SGCZ: variants seen among roughly 807,000 people sequenced by gnomAD.
SGCZ encodes sarcoglycan zeta, also known as zeta-sarcoglycan.
SGCZ carries 40 observed loss-of-function variants against 41.3 expected under a neutral mutation model. The ratio of observed to expected loss-of-function variants is 0.97; its 90% CI spans 0.75 to 1.26. SGCZ has a LOEUF of 1.26. Ranked by LOEUF, SGCZ falls within the 50% of genes most tolerant of loss-of-function variation. The probability of loss-of-function intolerance (pLI) is 0.00; values close to 1 mark genes in which losing one functional copy is unlikely to be tolerated. For synonymous variants in SGCZ, 206 were observed against 137.5 expected, an observed-to-expected ratio of 1.50 and a Z score of -3.49; for missense variants, 552 against 369.8, an observed-to-expected ratio of 1.49 and a Z score of -4.04.
At chr8:14,717,442 A>T (rs1462226404) in intron 1 of SGCZ, among the ~76,000 whole-genome samples, 6 of 152,144 alleles carry the variant, frequency 3.9e-5, no homozygotes, top group Non-Finnish European at 7.4e-5. Context: ...GAAGAAAGGC[A>T]GCACCACAAA....
intron 2 of SGCZ, among the ~76,000 whole-genome samples, chr8:14,430,884 T>A (rs1403430231): frequency 1.3e-5 from 2 of 152,120 alleles, no homozygotes; most frequent in Non-Finnish European, 2.9e-5. Flanking sequence ...AATCAGTAGC[T>A]TTTCTGTACA....
At chr8:14,563,906 A>G (rs1804280849) in intron 1 of SGCZ, among the ~76,000 whole-genome samples, 1 of 152,188 alleles carries the variant, frequency 6.6e-6, no homozygotes, top group Non-Finnish European at 1.5e-5. Flanking sequence ...ACATTTAACA[A>G]TTTATAATAT....
intron 4 of SGCZ, among the ~76,000 whole-genome samples, chr8:14,170,986 G>A (rs1428032094): frequency 4.0e-5 from 6 of 151,770 alleles, no homozygotes; most frequent in Non-Finnish European, 5.9e-5. Context: ...TCTCACATTC[G>A]CTAAATTCAT....
chr8:14,237,425 G>A (rs1221462457), intron 4 of SGCZ, among the ~76,000 whole-genome samples, 167 bp downstream of exon 4: 1 of 151,804 alleles, frequency 6.6e-6, no homozygotes. Context: ...CTCGTGATCT[G>A]CCCGCCTCAG....
At position 14,167,525 on chromosome 8, in the gene SGCZ, G is replaced by A. The variant is rs76998428; in HGVS notation, c.425-2823C>T. Among the ~76,000 whole-genome samples the A allele has an allele frequency of 4.9e-3, 752 of 151,980 alleles. 10 individuals carry two copies. Among genetic ancestry groups the A allele is most frequent in the African/African-American group, 0.018 (732 of 41,420 alleles). ...AACACTTCCTTAGGAACATCTCTGA[G>A]AAAGTTTATGTCAATAAACTCACAA... On this transcript the variant is annotated intron_variant, in intron 4 of 7. Transcript: ENST00000382080.
chr8:15,068,297 C>A (rs1324380249), intron 1 of SGCZ, among the ~76,000 whole-genome samples: 1 of 152,162 alleles, frequency 6.6e-6, no homozygotes, highest in East Asian at 1.9e-4. Flanking sequence ...ATGATCATCA[C>A]CCTGCTTAGA....
At chr8:14,496,085 G>C (rs745718994) in intron 2 of SGCZ, among the ~76,000 whole-genome samples, 2 of 152,008 alleles carry the variant, frequency 1.3e-5, no homozygotes, top group Non-Finnish European at 2.9e-5. Context: ...ATTTCTTAAG[G>C]GATAGGCTCT....
intron 7 of SGCZ, among the ~76,000 whole-genome samples, chr8:14,096,614 C>G (rs1360673175): frequency 1.3e-5 from 2 of 152,240 alleles, no homozygotes; most frequent in African/African-American, 4.8e-5. Context: ...TGATGCTGGA[C>G]TCATAAAGTG....
chr8:14,141,615 G>C (rs956790322), intron 5 of SGCZ, among the ~76,000 whole-genome samples: 2 of 152,144 alleles, frequency 1.3e-5, no homozygotes, highest in African/African-American at 4.8e-5. Context: ...ACCACAATGA[G>C]ATACCATCTT....
intron 2 of SGCZ, among the ~76,000 whole-genome samples, chr8:14,544,019 C>G (rs138450375): frequency 7.2e-5 from 11 of 152,108 alleles, no homozygotes; most frequent in African/African-American, 2.7e-4. Flanking sequence ...TAAGGAGCCC[C>G]GAGCACAGAG....
chr8:14,603,573 T>C (rs1012623403), intron 1 of SGCZ, among the ~76,000 whole-genome samples: 2 of 152,172 alleles, frequency 1.3e-5, no homozygotes, highest in Admixed American at 1.3e-4. Context: ...AAGATCATGA[T>C]AAAGGTTTTA....
chr8:15,085,033 T>C (rs1458173296), intron 1 of SGCZ, among the ~76,000 whole-genome samples: 5 of 152,154 alleles, frequency 3.3e-5, no homozygotes, highest in Non-Finnish European at 7.3e-5. Context: ...ATTTGATAGA[T>C]ACACATTATC....
At chr8:14,730,908 G>A (rs1398114822) in intron 1 of SGCZ, among the ~76,000 whole-genome samples, 1 of 151,862 alleles carries the variant, frequency 6.6e-6, no homozygotes, top group Non-Finnish European at 1.5e-5. Flanking sequence ...AGGATGTGGA[G>A]AAAGAGGAAC....
At position 14,366,495 on chromosome 8, in the gene SGCZ, T is replaced by A. The variant is rs115622393; in HGVS notation, c.235-42291A>T. ...CTGTGGGTTACAATTCAAGAAAAAA[T>A]TTGGTGGGGGGGACACAAAGTATAA... On this transcript the variant is annotated intron_variant, in intron 2 of 7. Transcript: ENST00000382080. Among the ~76,000 whole-genome samples the A allele has an allele frequency of 6.5e-4, 99 of 152,044 alleles. 2 individuals are homozygous for A. Among genetic ancestry groups the A allele is most frequent in the African/African-American group, 2.1e-3 (89 of 41,496 alleles).
At chr8:15,199,500 CTG>C (rs1294585217) in intron 1 of SGCZ, among the ~76,000 whole-genome samples, 1 of 152,122 alleles carries the variant, frequency 6.6e-6, no homozygotes, top group African/African-American at 2.4e-5. Flanking sequence ...CATTGTCACT[CTG>C]TAATACTCTA....
At chr8:14,681,281 G>A (rs893116830) in intron 1 of SGCZ, among the ~76,000 whole-genome samples, 1 of 152,074 alleles carries the variant, frequency 6.6e-6, no homozygotes, top group East Asian at 1.9e-4. Context: ...AATTACTGTA[G>A]ATGTATAATC....
intron 2 of SGCZ, among the ~76,000 whole-genome samples, chr8:14,427,946 G>A (rs577893992): frequency 2.6e-5 from 4 of 152,122 alleles, no homozygotes; most frequent in African/African-American, 7.2e-5. Context: ...GGTATTATAA[G>A]TAATCTAGAA....
chr8:14,149,293 C>T (rs1803622935), intron 5 of SGCZ, among the ~76,000 whole-genome samples: 2 of 151,992 alleles, frequency 1.3e-5, no homozygotes, highest in African/African-American at 2.4e-5. Context: ...CCTCAAGATT[C>T]CCCCCAAAAT....
At chr8:15,169,786 A>C (rs268396) in intron 1 of SGCZ, among the ~76,000 whole-genome samples, 129,941 of 152,108 alleles carry the variant, frequency 0.85, 55,516 homozygotes, top group Middle Eastern at 0.87. Flanking sequence ...TCCCATCCAT[A>C]AGGGCTCCAT....
Sources: gnomAD v4.1 joint callset for allele counts (sites outside exome capture counted in the v4.1 genomes callset) on GRCh38, gnomAD v4.1.1 for gene constraint, MANE v1.5 for transcripts, NCBI Gene and HGNC (gene_info 2026-07-23, HGNC 2026-07-21) for gene names.